The following WDFY3 variants were observed in gnomAD, a reference collection of about 807,000 sequenced individuals.
WDFY3 encodes the protein WD repeat and FYVE domain-containing protein 3.
A neutral mutation model predicts 409.6 loss-of-function variants in WDFY3; 66 were observed. The ratio of observed to expected loss-of-function variants is 0.16; its 90% CI spans 0.13 to 0.20. WDFY3 has a LOEUF of 0.20. Ranked by LOEUF, WDFY3 falls within the 10% of genes least tolerant of loss-of-function variation. The pLI is 1.00. For missense variants in WDFY3, 3,031 were observed against 4,298.1 expected, an observed-to-expected ratio of 0.71 and a Z score of 8.24; for synonymous variants, 1,521 against 1,537.1, an observed-to-expected ratio of 0.99 and a Z score of 0.25.
rs754759812 is a variant in WDFY3, at chr4:84,682,400, T to G, written c.9797A>C (p.Gln3266Pro). The G allele has an allele frequency of 8.7e-6, 14 of 1,613,992 alleles. No homozygotes were observed. The highest frequency in any genetic ancestry group is 1.1e-5 in the Non-Finnish European group (13 of 1,179,986). ...APEPAEVLEM[Q>P]EDCPEAQIGQ... ...TATTTGTGCTTCTGGACAGTCTTCC[T>G]GCATTTCTAGGACTTCAGCAGGCTC... The change falls in exon 64 of 68, where the codon CAG (glutamine) becomes CCG (proline). Residue 3266 changes from glutamine (Q) to proline (P), a missense_variant. Coordinates refer to ENST00000295888, the MANE Select transcript of WDFY3 (RefSeq NM_014991.6).
intron 1 of WDFY3, among the ~76,000 whole-genome samples, chr4:84,958,864 T>A (rs142264435): frequency 1.1e-3 from 170 of 152,324 alleles, no homozygotes; most frequent in Non-Finnish European, 1.8e-3. Flanking sequence ...CTCCCTTGGC[T>A]GCCTCAAATC....
At position 84,786,076 on chromosome 4, in the gene WDFY3, A is replaced by G. The variant is rs1747500532; in HGVS notation, c.3965T>C (p.Val1322Ala). 1 of 1,613,838 alleles carries G rather than the reference A, an allele frequency of 6.2e-7. No homozygotes were observed. The highest frequency in any genetic ancestry group is 1.3e-5 in the African/African-American group (1 of 75,026). The change falls in exon 24 of 68, where the codon GTG becomes GCG. Residue 1322 changes from valine (V) to alanine (A), a missense_variant. Physicochemically the swap from Val to Ala is moderately conservative, Grantham distance 64 (BLOSUM62 0). This residue lies in a region of WDFY3 where 1,322 missense variants were observed against 1,697.9 expected (regional missense o/e 0.78). Transcript: ENST00000295888. ...AGAGAGTGCATAGAGGCCAAATGACACTTTCTCCTCTGGTACTAATGACAC... is the reference window on the plus strand; with the variant it reads ...AGAGAGTGCATAGAGGCCAAATGACGCTTTCTCCTCTGGTACTAATGACAC... The part of the protein sequence containing the change: ...SPVSLVPEEK[V>A]SFGLYALSVS...
intron 1 of WDFY3, among the ~76,000 whole-genome samples, chr4:84,956,403 G>A (rs1360505799): frequency 2.0e-5 from 3 of 152,156 alleles, no homozygotes; most frequent in South Asian, 2.1e-4. Flanking sequence ...CGCCAGACAG[G>A]CTAGTGGTCC....
chr4:84,709,661 T>C (rs567652934), intron 51 of WDFY3, among the ~76,000 whole-genome samples: 17 of 152,220 alleles, frequency 1.1e-4, no homozygotes, highest in Non-Finnish European at 1.5e-4. Flanking sequence ...GTAATATATA[T>C]TTTTTACTCT....
chr4:84,824,157 T>C (rs1754498146), intron 10 of WDFY3, among the ~76,000 whole-genome samples: 1 of 152,306 alleles, frequency 6.6e-6, no homozygotes, highest in South Asian at 2.1e-4. Flanking sequence ...CCCATTTTCA[T>C]GGTTTTATTT....
intron 53 of WDFY3, among the ~76,000 whole-genome samples, chr4:84,707,907 A>T (rs1732241416): frequency 6.6e-6 from 1 of 152,084 alleles, no homozygotes; most frequent in South Asian, 2.1e-4. Flanking sequence ...ATTAGACCAA[A>T]ATTTTCTGAG....
chr4:84,901,659 T>C lies in WDFY3; in HGVS notation c.-131-4649A>G, dbSNP rs144459013. The stretch of plus-strand genomic sequence containing the variant: ...GGAGGGGACAATATTTAAATCATAG[T>C]AGATAGTTTAAAGAAAAACAATAAG... On this transcript the variant is annotated intron_variant, in intron 2 of 67. Coordinates refer to ENST00000295888, the MANE Select transcript of WDFY3 (RefSeq NM_014991.6). Among the ~76,000 whole-genome samples, 238 of 152,274 alleles carry C rather than the reference T, an allele frequency of 1.6e-3. 1 individual carries two copies. The highest frequency in any genetic ancestry group is 5.2e-3 in the African/African-American group (217 of 41,554).
chr4:84,953,947 G>C (rs1006641075), intron 1 of WDFY3, among the ~76,000 whole-genome samples: 1 of 151,964 alleles, frequency 6.6e-6, no homozygotes, highest in Non-Finnish European at 1.5e-5. Flanking sequence ...AGTGTCCATA[G>C]CACTTCTGCA....
rs574283704 is a variant in WDFY3, at chr4:84,780,635, G to A, written c.4175-337C>T. ...AAAAATTAGCCGGGCGTGGTTGCACGCGCCTACAATCTCAGCTACACAGGA... is the reference window on the plus strand; with the variant it reads ...AAAAATTAGCCGGGCGTGGTTGCACACGCCTACAATCTCAGCTACACAGGA... On this transcript the variant is annotated intron_variant, in intron 25 of 67. Transcript: ENST00000295888. Among the ~76,000 whole-genome samples the A allele has an allele frequency of 2.2e-3, 338 of 152,098 alleles. 2 individuals carry two copies. The highest frequency in any genetic ancestry group is 7.7e-3 in the African/African-American group (320 of 41,488).
intron 7 of WDFY3, among the ~76,000 whole-genome samples, chr4:84,833,559 T>G (rs1017951758): frequency 2.6e-5 from 4 of 152,066 alleles, no homozygotes; most frequent in African/African-American, 9.6e-5. Context: ...GAGGCTGAAA[T>G]GAGAGGATCA....
chr4:84,897,195 T>C (rs1765752409), intron 2 of WDFY3, among the ~76,000 whole-genome samples, 185 bp from the exon 3 acceptor site: 1 of 152,158 alleles, frequency 6.6e-6, no homozygotes, highest in African/African-American at 2.4e-5. Context: ...TCTGTTCAAA[T>C]TAAGTCTCTG....
At chr4:84,939,308 C>T (rs1451997187) in intron 1 of WDFY3, among the ~76,000 whole-genome samples, 2 of 152,164 alleles carry the variant, frequency 1.3e-5, no homozygotes, top group Non-Finnish European at 2.9e-5. Flanking sequence ...TCAGGGTGTC[C>T]TATCTGGAGT....
intron 2 of WDFY3, among the ~76,000 whole-genome samples, chr4:84,910,932 C>A (rs1767687768): frequency 6.6e-6 from 1 of 151,016 alleles, no homozygotes; most frequent in Non-Finnish European, 1.5e-5. Context: ...GTTGGCCAGA[C>A]TGGTCTCAAA....
chr4:84,813,075 A>T (rs1752758568), intron 13 of WDFY3, among the ~76,000 whole-genome samples: 1 of 152,152 alleles, frequency 6.6e-6, no homozygotes, highest in South Asian at 2.1e-4. Context: ...AAATAATTAC[A>T]AATTAAATGA....
intron 22 of WDFY3, among the ~76,000 whole-genome samples, 174 bp from the exon 23 acceptor site, chr4:84,787,887 G>C (rs1342136909): frequency 6.6e-6 from 1 of 152,200 alleles, no homozygotes; most frequent in African/African-American, 2.4e-5. Flanking sequence ...CTGTAACTGA[G>C]GACCAGGTAT....
chr4:84,835,788 G>A (rs539500748), intron 7 of WDFY3, among the ~76,000 whole-genome samples: 4 of 151,900 alleles, frequency 2.6e-5, no homozygotes, highest in South Asian at 2.1e-4. Flanking sequence ...CTCTCTATTC[G>A]CTTCCTACTC....
rs577028309 is a variant in WDFY3, at chr4:84,897,402, GAC to G, written c.-131-394_-131-393del. Among the ~76,000 whole-genome samples, 182 of 152,076 alleles carry G rather than the reference GAC, an allele frequency of 1.2e-3. 1 individual carries two copies. The highest frequency in any genetic ancestry group is 2.3e-3 in the Non-Finnish European group (153 of 67,994). On this transcript the variant is annotated intron_variant, in intron 2 of 67. Coordinates refer to ENST00000295888, the MANE Select transcript of WDFY3 (RefSeq NM_014991.6). ...TTTATTATTTTATTTTATTTTTTGAGACACAGTTTCACTCTTGTCACCCAGGC... is the reference window on the plus strand; with the variant it reads ...TTTATTATTTTATTTTATTTTTTGAGACAGTTTCACTCTTGTCACCCAGGC...
chr4:84,777,069 G>A (rs553512400), intron 27 of WDFY3, among the ~76,000 whole-genome samples: 2 of 152,162 alleles, frequency 1.3e-5, no homozygotes, highest in East Asian at 1.9e-4. Flanking sequence ...CAGGGAAGAA[G>A]GAAGCTGATG....
intron 3 of WDFY3, among the ~76,000 whole-genome samples, chr4:84,885,330 A>ATGTGTGTGTG (rs70943380): frequency 5.8e-4 from 85 of 145,652 alleles, no homozygotes; most frequent in East Asian, 1.2e-3. Context: ...ACATATACAT[A>ATGTGTGTGTG]TGTGTGTGTG....
Sources: gnomAD v4.1 joint callset for allele counts (sites outside exome capture counted in the v4.1 genomes callset) on GRCh38, gnomAD v4.1.1 for gene constraint, gnomAD v4.1.1 regional missense constraint, MANE v1.5 for transcripts, NCBI Gene and HGNC (gene_info 2026-07-23, HGNC 2026-07-21) for gene names.